Variants in MCU observed in about 807,000 individuals in gnomAD.
MCU encodes the protein mitochondrial calcium uniporter, also known as calcium uniporter protein, mitochondrial.
Under a neutral mutation model 45.2 loss-of-function variants are expected in MCU, and 12 were observed. The ratio of observed to expected loss-of-function variants is 0.27; its 90% CI spans 0.17 to 0.43. MCU has a LOEUF of 0.43. Among genes scored for constraint, MCU ranks in the 20% least tolerant of loss-of-function variants. MCU has a pLI of 1.00. For missense variants in MCU, 324 were observed against 436.7 expected, an observed-to-expected ratio of 0.74 and a Z score of 2.30; for synonymous variants, 160 against 165.1, an observed-to-expected ratio of 0.97 and a Z score of 0.24.
At chr10:72,808,502 T>C (rs1344461459) in intron 1 of MCU, among the ~76,000 whole-genome samples, 6 of 152,212 alleles carry the variant, frequency 3.9e-5, no homozygotes, top group African/African-American at 1.4e-4. Context: ...AATAAGACTC[T>C]AGTAACATTT....
intron 1 of MCU, among the ~76,000 whole-genome samples, chr10:72,719,706 T>G (rs1012778640): frequency 6.6e-6 from 1 of 152,236 alleles, no homozygotes; most frequent in Admixed American, 6.5e-5. Context: ...TCCAGTGACT[T>G]GAGGATAAAT....
chr10:72,864,768 T>G (rs145287187), intron 4 of MCU, among the ~76,000 whole-genome samples: 479 of 152,288 alleles, frequency 3.1e-3, no homozygotes, highest in African/African-American at 0.011. Flanking sequence ...TTTTTGAAGT[T>G]GGAATAATTA....
chr10:72,708,592 G>C (rs1842852255), intron 1 of MCU, among the ~76,000 whole-genome samples: 1 of 152,108 alleles, frequency 6.6e-6, no homozygotes, highest in Non-Finnish European at 1.5e-5. Flanking sequence ...TTCAGTCCAT[G>C]TTGGGTGAAT....
intron 1 of MCU, among the ~76,000 whole-genome samples, chr10:72,710,018 C>A (rs149856620): frequency 0.023 from 3,559 of 152,274 alleles, 60 homozygotes; most frequent in Non-Finnish European, 0.039. Flanking sequence ...ATCTGTCGCC[C>A]AGGCTGGAGT....
chr10:72,833,880 A>T (rs1844915038), intron 1 of MCU, among the ~76,000 whole-genome samples: 1 of 152,210 alleles, frequency 6.6e-6, no homozygotes, highest in African/African-American at 2.4e-5. Flanking sequence ...AGGAGAGTGA[A>T]CATAAAGACC....
chr10:72,738,738 T>C (rs928743336), intron 1 of MCU, among the ~76,000 whole-genome samples: 3 of 152,358 alleles, frequency 2.0e-5, no homozygotes, highest in African/African-American at 7.2e-5. Flanking sequence ...TCTGTGAACT[T>C]TGGTATTGAA....
At chr10:72,697,859 C>G (rs528555544) in intron 1 of MCU, among the ~76,000 whole-genome samples, 1 of 152,214 alleles carries the variant, frequency 6.6e-6, no homozygotes, top group East Asian at 1.9e-4. Context: ...CCCTCAACTC[C>G]TGGGCTTAAG....
chr10:72,792,815 G>A (rs1446749098), intron 1 of MCU, among the ~76,000 whole-genome samples: 2 of 151,040 alleles, frequency 1.3e-5, no homozygotes, highest in African/African-American at 4.9e-5. Flanking sequence ...TGTGTGTAAG[G>A]TACAGTGCAT....
At chr10:72,866,024 T>C (rs1052143872) in intron 4 of MCU, among the ~76,000 whole-genome samples, 1 of 151,640 alleles carries the variant, frequency 6.6e-6, no homozygotes, top group Non-Finnish European at 1.5e-5. Context: ...TGATCCGCCC[T>C]CCTTGGCCTC....
intron 1 of MCU, among the ~76,000 whole-genome samples, chr10:72,788,532 A>G (rs1844111256): frequency 6.6e-6 from 1 of 152,218 alleles, no homozygotes; most frequent in Non-Finnish European, 1.5e-5. Context: ...ACTCTGAGTC[A>G]GGAGAATCAC....
intron 1 of MCU, among the ~76,000 whole-genome samples, chr10:72,796,186 C>G (rs531318447): frequency 5.2e-4 from 79 of 152,116 alleles, no homozygotes; most frequent in Non-Finnish European, 9.3e-4. Flanking sequence ...TGCCTGTAAC[C>G]ACAGCACTTT....
At position 72,692,307 on chromosome 10, in the gene MCU, C is replaced by A; in HGVS notation, c.150+6C>A. ...AGCAGCAGCACCACCGGACGGTGAG[C>A]GAGCGCGCCCGGAGGCTCCGGGGAG... is the stretch of plus-strand genomic sequence containing the variant. On this transcript the variant is annotated splice_donor_region_variant and intron_variant, in intron 1 of 7. Transcript: ENST00000373053. 8.2e-7 allele frequency: 1 copy of A among 1,212,156 alleles called. No individual in the cohort carries two copies. The highest frequency in any genetic ancestry group is 1.0e-6 in the Non-Finnish European group (1 of 974,572). The allele number at this position is 1,212,156 out of a possible 1,614,324, so 75.1% of individuals were successfully genotyped here.
intron 1 of MCU, among the ~76,000 whole-genome samples, chr10:72,771,586 G>A (rs1404271981): frequency 2.6e-5 from 4 of 152,122 alleles, no homozygotes; most frequent in Middle Eastern, 3.4e-3. Context: ...GATTTTTGGT[G>A]GACACCTTTT....
chr10:72,835,432 A>G (rs539109899), intron 2 of MCU, among the ~76,000 whole-genome samples: 27 of 152,314 alleles, frequency 1.8e-4, no homozygotes, highest in African/African-American at 6.5e-4. Context: ...CAACCTTAGA[A>G]ACATTAATTC....
rs1288427387 is a variant in MCU at position 72,887,694 on chromosome 10, A to G, written c.*1872A>G. The G allele has an allele frequency of 2.0e-5, 3 of 152,772 alleles. No individual in the cohort carries two copies. Among genetic ancestry groups the G allele is most frequent in the Non-Finnish European group, 2.9e-5 (2 of 68,042 alleles). The allele number at this position is 152,772 out of a possible 1,614,324, so 9.5% of individuals were successfully genotyped here. A position where few individuals can be genotyped will look rare whatever the true frequency, so the allele number is the denominator to read the frequency against. On this transcript the variant is annotated 3_prime_UTR_variant, in exon 8 of 8. Transcript: ENST00000373053. ...CAATAAATACTTATTCAATTTTTGAACGATAGCATCTCATTCTTTAAAACA... is the reference window on the plus strand; with the variant it reads ...CAATAAATACTTATTCAATTTTTGAGCGATAGCATCTCATTCTTTAAAACA...
At chr10:72,724,753 G>A (rs746945149) in intron 1 of MCU, among the ~76,000 whole-genome samples, 1 of 152,136 alleles carries the variant, frequency 6.6e-6, no homozygotes, top group Non-Finnish European at 1.5e-5. Context: ...GCATATGGAA[G>A]AATTTTCTCT....
intron 2 of MCU, among the ~76,000 whole-genome samples, chr10:72,844,020 G>A (rs1845083922): frequency 6.6e-6 from 1 of 152,148 alleles, no homozygotes; most frequent in African/African-American, 2.4e-5. Context: ...GGGAGGCCAA[G>A]GCAGGTTGAT....
intron 6 of MCU, among the ~76,000 whole-genome samples, chr10:72,873,448 A>G (rs1845576715): frequency 6.6e-6 from 1 of 151,810 alleles, no homozygotes; most frequent in South Asian, 2.1e-4. Flanking sequence ...TTTTAATTGG[A>G]TAGTTTATTT....
chr10:72,797,014 T>G (rs1327076869), intron 1 of MCU, among the ~76,000 whole-genome samples: 11 of 152,088 alleles, frequency 7.2e-5, no homozygotes, highest in Non-Finnish European at 1.5e-4. Context: ...AAATGTTGCA[T>G]GGACATTTGA....
Sources: allele counts gnomAD v4.1 joint callset (sites outside exome capture counted in the v4.1 genomes callset), GRCh38; gene constraint gnomAD v4.1.1; transcripts MANE v1.5; gene names NCBI Gene and HGNC (gene_info 2026-07-23, HGNC 2026-07-21).